The following CYFIP2 variants were observed in gnomAD, a reference collection of about 807,000 sequenced individuals.
CYFIP2 encodes cytoplasmic FMR1 interacting protein 2, also known as cytoplasmic FMR1-interacting protein 2.
A neutral mutation model predicts 158.7 loss-of-function variants in CYFIP2; 29 were observed. The observed-to-expected ratio is 0.18, with a 90% confidence interval of 0.14 to 0.25. The LOEUF (loss-of-function observed/expected upper bound fraction) is 0.25. CYFIP2 is among the 10% of genes least tolerant of loss of function. The probability of loss-of-function intolerance (pLI) is 1.00; values close to 1 mark genes in which losing one functional copy is unlikely to be tolerated. For missense variants in CYFIP2, 852 were observed against 1,639.5 expected (o/e 0.52, Z 8.29); for synonymous variants, 585 against 617.6 (o/e 0.95, Z 0.78).
chr5:157,272,362 T>C (rs1281324692), intron 1 of CYFIP2, among the ~76,000 whole-genome samples: 3 of 152,242 alleles, frequency 2.0e-5, no homozygotes, highest in Non-Finnish European at 4.4e-5. Context: ...CGGCCAGGTG[T>C]CTGAACTGCT....
chr5:157,347,754 T>C (rs1348770815), intron 23 of CYFIP2, among the ~76,000 whole-genome samples: 1 of 152,256 alleles, frequency 6.6e-6, no homozygotes, highest in Non-Finnish European at 1.5e-5. Flanking sequence ...AATTTTCCAC[T>C]GTGGAATTAA....
At chr5:157,383,232 G>C (rs746265753) in intron 27 of CYFIP2, 33 bp from the exon 28 acceptor site, 1 of 1,601,904 alleles carries the variant, frequency 6.2e-7, no homozygotes, top group Non-Finnish European at 8.5e-7. Flanking sequence ...TGTTCCCTGA[G>C]TCTCATTTTC....
Position 157,361,326 on chromosome 5 carries a change from TG to T in CYFIP2, c.2909-139del. Reference sequence around the variant, plus strand: ...CTGAGCCCTGAAAGAAATCTCACTCTGGGCCTGCAGGTAAGAGGGATGCGTG... The same window carrying T: ...CTGAGCCCTGAAAGAAATCTCACTCTGGCCTGCAGGTAAGAGGGATGCGTG... On this transcript the variant is annotated intron_variant, in intron 25 of 30. Coordinates refer to ENST00000620254, the MANE Select transcript of CYFIP2 (RefSeq NM_001037333.3). This position sits in a 1 kb window ranked among gnomAD's most constrained non-coding sequence, Gnocchi z 4.4. 1.0e-6 allele frequency: 1 copy of T among 998,044 alleles called. No individual in the cohort carries two copies. The highest frequency in any genetic ancestry group is 1.5e-6 in the Non-Finnish European group (1 of 680,132). The allele number at this position is 998,044 out of a possible 1,614,324, so 61.8% of individuals were successfully genotyped here. A position where few individuals can be genotyped will look rare whatever the true frequency, so the allele number is the denominator to read the frequency against.
chr5:157,306,325 C>T (rs1419640858), intron 8 of CYFIP2, among the ~76,000 whole-genome samples: 1 of 152,324 alleles, frequency 6.6e-6, no homozygotes, highest in Non-Finnish European at 1.5e-5. Flanking sequence ...TCCCTCTCAC[C>T]ACTGGTGCTT....
Position 157,287,094 on chromosome 5 carries a change from G to T in CYFIP2, c.193G>T (p.Val65Phe). The T allele has an allele frequency of 6.2e-7, 1 of 1,613,266 alleles. No homozygotes were observed. Residue 65 changes from valine to phenylalanine, a missense_variant, in exon 3 of 31, where the codon GTC becomes TTC. Val to Phe is a conservative substitution (Grantham distance 50, BLOSUM62 -1). Transcript: ENST00000620254. ...GIARYIEQAT[V>F]HSSMNEMLEE... Reference sequence around the variant, plus strand: ...TGCAAGGTACATTGAGCAGGCTACAGTCCACTCCAGCATGGTAAGTCTCTG... The same window carrying T: ...TGCAAGGTACATTGAGCAGGCTACATTCCACTCCAGCATGGTAAGTCTCTG...
chr5:157,392,397 T>C (rs1183719272), intron 30 of CYFIP2, among the ~76,000 whole-genome samples: 2 of 152,230 alleles, frequency 1.3e-5, no homozygotes. Context: ...AGTTAATTTT[T>C]TGTATATGGT....
chr5:157,389,514 G>C (rs889035), intron 29 of CYFIP2, 87 bp downstream of exon 29: 4 of 1,272,628 alleles, frequency 3.1e-6, no homozygotes, highest in African/African-American at 1.5e-5. Context: ...AGCCAGAAAC[G>C]TGGGCAGGGG....
chr5:157,381,079 A>T (rs1370580862), intron 26 of CYFIP2, among the ~76,000 whole-genome samples: 1 of 152,152 alleles, frequency 6.6e-6, no homozygotes, highest in Admixed American at 6.5e-5. Context: ...GCCAGGTTCA[A>T]ACATAGAAAA....
intron 18 of CYFIP2, among the ~76,000 whole-genome samples, chr5:157,327,546 C>CAGAGCAAG (rs1761120143): frequency 6.8e-6 from 1 of 147,622 alleles, no homozygotes; most frequent in African/African-American, 2.6e-5. Flanking sequence ...GCCTAGGTGA[C>CAGAGCAAG]AGAGCAAGAC....
intron 4 of CYFIP2, among the ~76,000 whole-genome samples, chr5:157,296,334 C>T (rs1758253803): frequency 6.6e-6 from 1 of 152,152 alleles, no homozygotes; most frequent in Admixed American, 6.5e-5. Flanking sequence ...TGGCTCATGC[C>T]TGTAATCCCA....
intron 16 of CYFIP2, among the ~76,000 whole-genome samples, chr5:157,324,487 C>G (rs1760855042): frequency 6.6e-6 from 1 of 152,254 alleles, no homozygotes; most frequent in South Asian, 2.1e-4. Context: ...ACTTCCTCTC[C>G]TTTTAGTAAG....
intron 2 of CYFIP2, among the ~76,000 whole-genome samples, chr5:157,286,640 C>T (rs1263120901): frequency 6.6e-6 from 1 of 151,138 alleles, no homozygotes; most frequent in Non-Finnish European, 1.5e-5. Context: ...TCACAAAAAA[C>T]AGCCACAGTA....
intron 28 of CYFIP2, among the ~76,000 whole-genome samples, chr5:157,385,277 G>C (rs917992020): frequency 6.6e-6 from 1 of 152,182 alleles, no homozygotes; most frequent in Non-Finnish European, 1.5e-5. Context: ...CAAATGCCTA[G>C]TGTTTAACAA....
chr5:157,388,532 C>T (rs1282588530), intron 28 of CYFIP2, among the ~76,000 whole-genome samples: 1 of 152,196 alleles, frequency 6.6e-6, no homozygotes, highest in East Asian at 1.9e-4. Context: ...GATGTTAGTC[C>T]TTCTAAAATA....
chr5:157,360,526 C>T (rs1763735973), intron 25 of CYFIP2, among the ~76,000 whole-genome samples, 154 bp downstream of exon 25: 1 of 152,206 alleles, frequency 6.6e-6, no homozygotes. Context: ...GCCTTTTAAT[C>T]CCTCTGAGCA....
chr5:157,389,655 G>A (rs1767070318), intron 29 of CYFIP2: 1 of 478,866 alleles, frequency 2.1e-6, no homozygotes, highest in African/African-American at 2.0e-5. Flanking sequence ...TGTACTACTG[G>A]AAAATGAGGA....
At chr5:157,325,979 C>T in intron 17 of CYFIP2, 192 bp from the exon 18 acceptor site, 1 of 575,424 alleles carries the variant, frequency 1.7e-6, no homozygotes, top group Non-Finnish European at 3.1e-6. Flanking sequence ...TTATTTGCAC[C>T]CTGGACTTTT....
At chr5:157,296,608 AC>A in intron 4 of CYFIP2, 64 bp from the exon 5 acceptor site, 1 of 1,495,096 alleles carries the variant, frequency 6.7e-7, no homozygotes, top group Non-Finnish European at 9.3e-7. Context: ...ACAAAACAAA[AC>A]AAAAAACAGT....
chr5:157,374,897 T>A (rs1047813184), intron 26 of CYFIP2, among the ~76,000 whole-genome samples: 2 of 152,246 alleles, frequency 1.3e-5, no homozygotes, highest in African/African-American at 2.4e-5. Context: ...ATGCATCAAC[T>A]GCGTTGCAAG....
Sources: gnomAD v4.1 joint callset for allele counts (sites outside exome capture counted in the v4.1 genomes callset) on GRCh38, gnomAD v4.1.1 for gene constraint, Gnocchi (gnomAD v3.1) non-coding constraint, MANE v1.5 for transcripts, NCBI Gene and HGNC (gene_info 2026-07-23, HGNC 2026-07-21) for gene names.